The following FKBP1C variants were observed in gnomAD, a reference collection of about 807,000 sequenced individuals.
FKBP1C encodes the protein peptidyl-prolyl cis-trans isomerase FKBP1C.
FKBP1C carries 7 observed loss-of-function variants against 7.1 expected under a neutral mutation model. The observed-to-expected ratio is 0.99, with a 90% CI of 0.56 to 1.86. The LOEUF (loss-of-function observed/expected upper bound fraction) is 1.86. FKBP1C is among the 40% of genes most tolerant of loss of function. The probability of loss-of-function intolerance (pLI) is 0.00; values close to 1 mark genes in which losing one functional copy is unlikely to be tolerated. For synonymous variants in FKBP1C, 56 were observed against 51.2 expected (o/e 1.09, Z -0.40); for missense variants, 159 against 139.9 (o/e 1.14, Z -0.69).
chr6:63,211,932 G>A (rs549116108), exon 1 of FKBP1C: 6 of 1,600,194 alleles, frequency 3.7e-6, no homozygotes, highest in Non-Finnish European at 5.1e-6. Context: ...CTGCCATGGA[G>A]GGATCTGGTG....
exon 1 of FKBP1C, chr6:63,211,605 C>T: frequency 3.8e-6 from 6 of 1,586,818 alleles, no homozygotes; most frequent in Non-Finnish European, 5.2e-6. Context: ...GCGCACCTTC[C>T]CGAAGCGCAG....
chr6:63,211,846 C>T (rs1766109785), exon 1 of FKBP1C: 2 of 1,613,098 alleles, frequency 1.2e-6, no homozygotes, highest in African/African-American at 2.7e-5. Flanking sequence ...CCACATGCCA[C>T]TCTCGTCTTC....
At chr6:63,212,602 T>C (rs79469701) in exon 1 of FKBP1C, 1 of 49,642 alleles carries the variant, frequency 2.0e-5, no homozygotes, top group African/African-American at 9.2e-5. Context: ...CTTATTTTTT[T>C]TTTTTTTTTT....
exon 1 of FKBP1C, chr6:63,212,340 G>A: frequency 1.1e-5 from 2 of 189,012 alleles, no homozygotes; most frequent in Non-Finnish European, 2.5e-5. Context: ...CTGCTGCGCT[G>A]CAAAACCATA....
At chr6:63,211,951 C>T in exon 1 of FKBP1C, 2 of 1,531,008 alleles carry the variant, frequency 1.3e-6, no homozygotes, top group Non-Finnish European at 1.8e-6. Context: ...TGCCTCCAGA[C>T]GTGTGCACAT....
exon 1 of FKBP1C, chr6:63,211,971 T>A: frequency 7.0e-7 from 1 of 1,422,996 alleles, no homozygotes; most frequent in South Asian, 1.2e-5. Context: ...TAAATCCATA[T>A]GGAGCTTTTC....
chr6:63,211,556 C>A, exon 1 of FKBP1C: 2 of 1,311,128 alleles, frequency 1.5e-6, no homozygotes, highest in Non-Finnish European at 2.2e-6. Context: ...CGGCCGCCGC[C>A]ATGGGAGTGC....
exon 1 of FKBP1C, chr6:63,211,638 A>C: frequency 6.2e-7 from 1 of 1,613,746 alleles, no homozygotes; most frequent in Non-Finnish European, 8.5e-7. Context: ...GATGCACTAC[A>C]CCGGGATGCT....
exon 1 of FKBP1C, chr6:63,211,543 C>A (rs756966325): frequency 5.3e-6 from 6 of 1,136,178 alleles, no homozygotes; most frequent in Non-Finnish European, 7.9e-6. Context: ...GCCCGCTCGG[C>A]GTCGGCCGCC....
At chr6:63,211,544 G>C (rs779304259) in exon 1 of FKBP1C, 1 of 1,167,614 alleles carries the variant, frequency 8.6e-7, no homozygotes, top group East Asian at 2.5e-5. Context: ...CCCGCTCGGC[G>C]TCGGCCGCCG....
chr6:63,211,941 T>G, exon 1 of FKBP1C: 1 of 1,583,398 alleles, frequency 6.3e-7, no homozygotes, highest in Non-Finnish European at 8.7e-7. Flanking sequence ...AGGGATCTGG[T>G]GCCTCCAGAC....
rs1355573804 is a variant in FKBP1C, at chr6:63,211,947, C to T, written c.*64C>T. 29 of 1,559,894 alleles carry T rather than the reference C, an allele frequency of 1.9e-5. No homozygotes were observed. In the South Asian group the frequency reaches 2.3e-4, roughly 13 times the overall value. On this transcript the variant is annotated 3_prime_UTR_variant, in exon 1 of 1. Transcript: ENST00000370659. The stretch of plus-strand genomic sequence containing the variant: ...CTGCCATGGAGGGATCTGGTGCCTC[C>T]AGACGTGTGCACATAAATCCATATG...
At chr6:63,212,598 T>A (rs1490159782) in exon 1 of FKBP1C, 2 of 3,550 alleles carry the variant, frequency 5.6e-4, no homozygotes, top group Admixed American at 0.015. Context: ...TGGCCTTATT[T>A]TTTTTTTTTT....
exon 1 of FKBP1C, chr6:63,211,977 T>C: frequency 2.2e-6 from 3 of 1,390,762 alleles, no homozygotes; most frequent in Non-Finnish European, 3.0e-6. Context: ...CATATGGAGC[T>C]TTTCCTGATG....
exon 1 of FKBP1C, chr6:63,211,599 A>G (rs1347053965): frequency 1.3e-6 from 2 of 1,564,212 alleles, no homozygotes; most frequent in Non-Finnish European, 1.8e-6. Context: ...AGACTGGCGC[A>G]CCTTCCCGAA....
At chr6:63,212,063 T>C (rs1306467800) in exon 1 of FKBP1C, 11 of 711,308 alleles carry the variant, frequency 1.5e-5, no homozygotes, top group Non-Finnish European at 2.4e-5. Context: ...GACACCTCTG[T>C]TTCCTCTTCC....
exon 1 of FKBP1C, chr6:63,212,982 T>C (rs1033523135): frequency 6.7e-5 from 11 of 165,106 alleles, no homozygotes; most frequent in African/African-American, 2.0e-4. Context: ...AGTCTCAAGT[T>C]TTATTATTGC....
chr6:63,211,948 A>G (rs9350793), exon 1 of FKBP1C: 893,407 of 1,548,016 alleles, frequency 0.58, 260,225 homozygotes, highest in Non-Finnish European at 0.59. Flanking sequence ...TGGTGCCTCC[A>G]GACGTGTGCA....
exon 1 of FKBP1C, chr6:63,212,485 C>T (rs1440031733): frequency 5.9e-6 from 1 of 168,898 alleles, no homozygotes; most frequent in East Asian, 1.9e-4. Context: ...ACCCCACCCT[C>T]CCCTTAAACC....
Sources: allele counts gnomAD v4.1 joint callset, GRCh38; gene constraint gnomAD v4.1.1; transcripts MANE v1.5; gene names NCBI Gene and HGNC (gene_info 2026-07-23, HGNC 2026-07-21).